Variants in PUF60 observed in about 807,000 individuals in gnomAD.
The protein encoded by PUF60 is poly(U) binding splicing factor 60, also known as poly(U)-binding-splicing factor PUF60.
PUF60 carries 10 observed loss-of-function variants against 61.8 expected under a neutral mutation model. That is an observed-to-expected ratio of 0.16 (90% CI 0.10 to 0.27). PUF60 has a LOEUF of 0.27. Among genes scored for constraint, PUF60 ranks in the 10% least tolerant of loss-of-function variants. PUF60 has a pLI of 1.00. For synonymous variants in PUF60, 353 were observed against 300.9 expected (o/e 1.17, Z -1.79); for missense variants, 371 against 754.0 (o/e 0.49, Z 5.95).
intron 2 of PUF60, among the ~76,000 whole-genome samples, chr8:143,823,509 C>T (rs1273687355): frequency 2.0e-5 from 3 of 152,392 alleles, no homozygotes; most frequent in South Asian, 2.1e-4. Flanking sequence ...AACCAATGGC[C>T]GGCTGGGCGC....
At chr8:143,822,469 G>A (rs780854788) in intron 2 of PUF60, 10 of 456,376 alleles carry the variant, frequency 2.2e-5, no homozygotes, top group African/African-American at 8.0e-5. Context: ...CACCGTCCCC[G>A]CAGGCACTGT....
intron 2 of PUF60, 53 bp from the exon 3 acceptor site, chr8:143,821,966 G>A (rs1817071842): frequency 3.2e-5 from 46 of 1,430,132 alleles, no homozygotes; most frequent in Admixed American, 4.2e-5. Context: ...TCTCCTTCAC[G>A]TGGCCCCAGG....
chr8:143,827,902 T>A (rs1367390863), intron 1 of PUF60, among the ~76,000 whole-genome samples: 1 of 151,878 alleles, frequency 6.6e-6, no homozygotes, highest in Non-Finnish European at 1.5e-5. Context: ...GCTAGGGGAG[T>A]CAGGCATCCA....
intron 1 of PUF60, among the ~76,000 whole-genome samples, chr8:143,828,676 A>G (rs1817931451): frequency 6.6e-6 from 1 of 152,192 alleles, no homozygotes; most frequent in Non-Finnish European, 1.5e-5. Flanking sequence ...CCTCCCGCAG[A>G]GCTGGGGACA....
chr8:143,826,907 AG>A (rs2130429015), intron 1 of PUF60: 1 of 125,278 alleles, frequency 8.0e-6, no homozygotes, highest in East Asian at 2.4e-4. Flanking sequence ...CAGCAAAGCA[AG>A]CCACAGGTTC....
rs368675405 is a variant in PUF60 at position 143,822,072 on chromosome 8, G to A, written c.112-159C>T. ...CCCAGCCCAGGCCACTGTCTCCCCC[G>A]GGACCCATGGGGTAGAACACAGACT... On this transcript the variant is annotated intron_variant, in intron 2 of 11. Transcript: ENST00000526683. Among the ~76,000 whole-genome samples the A allele has an allele frequency of 3.3e-5, 5 of 152,208 alleles. No individual in the cohort carries two copies. The East Asian group carries it at 7.7e-4, about 24-fold the overall frequency.
At chr8:143,820,602 C>G in intron 5 of PUF60, 64 bp downstream of exon 5, 1 of 1,531,540 alleles carries the variant, frequency 6.5e-7, no homozygotes, top group Non-Finnish European at 9.0e-7. Context: ...ACGTGGGCTG[C>G]ACTGCCCCCC....
intron 2 of PUF60, chr8:143,822,659 A>G: frequency 2.2e-6 from 1 of 446,286 alleles, no homozygotes; most frequent in Non-Finnish European, 4.5e-6. Flanking sequence ...GGGCAGTCAC[A>G]GCCACTGCAG....
intron 2 of PUF60, among the ~76,000 whole-genome samples, chr8:143,823,988 C>T (rs746991556): frequency 2.0e-5 from 3 of 152,288 alleles, no homozygotes; most frequent in Non-Finnish European, 4.4e-5. Context: ...TCCTGCAAGA[C>T]GCTCATGCCT....
chr8:143,824,735 G>C, intron 1 of PUF60: 1 of 371,042 alleles, frequency 2.7e-6, no homozygotes, highest in South Asian at 3.1e-5. Context: ...CAAAGGAACC[G>C]GCTGGGTGTC....
At chr8:143,829,158 G>A (rs1408713772) in intron 1 of PUF60, 122 bp downstream of exon 1, 27 of 1,217,928 alleles carry the variant, frequency 2.2e-5, no homozygotes, top group South Asian at 4.1e-5. Flanking sequence ...GGGACACGAG[G>A]GAGTCCGCGC....
intron 5 of PUF60, among the ~76,000 whole-genome samples, chr8:143,819,453 G>A (rs1240897278): frequency 2.0e-5 from 3 of 152,144 alleles, no homozygotes; most frequent in Admixed American, 2.0e-4. Flanking sequence ...GGCAGGCAAA[G>A]CAGACAGCTG....
chr8:143,828,113 C>G (rs548024902), intron 1 of PUF60, among the ~76,000 whole-genome samples: 4 of 152,324 alleles, frequency 2.6e-5, no homozygotes, highest in African/African-American at 9.6e-5. Context: ...GTTAGCCAGT[C>G]CTGTGAATCA....
At chr8:143,820,601 G>T in intron 5 of PUF60, 65 bp downstream of exon 5, 1 of 1,522,836 alleles carries the variant, frequency 6.6e-7, no homozygotes, top group Non-Finnish European at 9.1e-7. Context: ...CACGTGGGCT[G>T]CACTGCCCCC....
intron 1 of PUF60, among the ~76,000 whole-genome samples, chr8:143,825,979 AG>A (rs776346053): frequency 6.6e-6 from 1 of 152,268 alleles, no homozygotes; most frequent in Non-Finnish European, 1.5e-5. Flanking sequence ...CATTCTACAC[AG>A]GACACCCCAT....
At chr8:143,823,824 A>G (rs757672458) in intron 2 of PUF60, among the ~76,000 whole-genome samples, 11 of 152,256 alleles carry the variant, frequency 7.2e-5, no homozygotes, top group Non-Finnish European at 1.5e-4. Context: ...CTGGGGCCGA[A>G]AAAAGATGGG....
rs552227516 is a variant in PUF60 at position 143,822,569 on chromosome 8, T to G, written c.112-656A>C. Reference sequence around the variant, plus strand: ...ACTTCCACACACTCTTGCATGGGCTTTGCCTGGCCCACTGGGAGAAGCCAG... The same window carrying G: ...ACTTCCACACACTCTTGCATGGGCTGTGCCTGGCCCACTGGGAGAAGCCAG... On this transcript the variant is annotated intron_variant, in intron 2 of 11. Transcript: ENST00000526683. 6.2e-4 allele frequency: 285 copies of G among 456,546 alleles called. 1 individual carries two copies. The Middle Eastern group carries it at 0.013, about 20-fold the overall frequency. The allele number at this position is 456,546 out of a possible 1,614,324, so 28.3% of individuals were successfully genotyped here. A position where few individuals can be genotyped will look rare whatever the true frequency, so the allele number is the denominator to read the frequency against.
chr8:143,820,404 C>T (rs1430600167), intron 5 of PUF60: 1 of 554,220 alleles, frequency 1.8e-6, no homozygotes, highest in Non-Finnish European at 3.2e-6. Context: ...CAGCTACCCG[C>T]CCTGGCCGGC....
chr8:143,824,585 C>G, intron 1 of PUF60, 186 bp from the exon 2 acceptor site: 2 of 613,698 alleles, frequency 3.3e-6, no homozygotes, highest in South Asian at 3.8e-5. Flanking sequence ...GCCCAGGGAC[C>G]CAGTCAGAAG....
Sources: gnomAD v4.1 joint callset for allele counts (sites outside exome capture counted in the v4.1 genomes callset) on GRCh38, gnomAD v4.1.1 for gene constraint, MANE v1.5 for transcripts, NCBI Gene and HGNC (gene_info 2026-07-23, HGNC 2026-07-21) for gene names.